The following CCDC50 variants were observed in gnomAD, a reference collection of about 807,000 sequenced individuals.
The protein encoded by CCDC50 is coiled-coil domain containing 50, also known as coiled-coil domain-containing protein 50.
Under a neutral mutation model 70.2 loss-of-function variants are expected in CCDC50, and 54 were observed. The ratio of observed to expected loss-of-function variants is 0.77; its 90% confidence interval spans 0.62 to 0.96. The LOEUF (loss-of-function observed/expected upper bound fraction) is 0.96. CCDC50 is among the 50% of genes least tolerant of loss of function. The pLI is 0.00. For synonymous variants in CCDC50, 216 were observed against 198.8 expected, an observed-to-expected ratio of 1.09 and a Z score of -0.73; for missense variants, 558 against 578.7, an observed-to-expected ratio of 0.96 and a Z score of 0.37.
chr3:191,358,863 C>A (rs1017549632), intron 3 of CCDC50, among the ~76,000 whole-genome samples: 2 of 152,074 alleles, frequency 1.3e-5, no homozygotes, highest in Admixed American at 6.6e-5. Flanking sequence ...GGAAGGAACC[C>A]CTTAATTTAC....
intron 10 of CCDC50, among the ~76,000 whole-genome samples, chr3:191,388,235 A>G (rs528148727): frequency 5.8e-4 from 88 of 152,260 alleles, no homozygotes; most frequent in African/African-American, 1.9e-3. Context: ...ATACAAATGC[A>G]TATATATAAA....
At chr3:191,369,320 G>A (rs1341446295) in intron 4 of CCDC50, among the ~76,000 whole-genome samples, 1 of 150,662 alleles carries the variant, frequency 6.6e-6, no homozygotes, top group Non-Finnish European at 1.5e-5. Context: ...TGAAACTTTT[G>A]TGTTCATAAA....
intron 5 of CCDC50, among the ~76,000 whole-genome samples, chr3:191,373,598 C>G (rs1049486700): frequency 6.6e-6 from 1 of 152,088 alleles, no homozygotes; most frequent in African/African-American, 2.4e-5. Flanking sequence ...AAATTTACAG[C>G]AGTAGTCACT....
At chr3:191,383,232 T>C (rs1713378959) in intron 10 of CCDC50, among the ~76,000 whole-genome samples, 1 of 152,164 alleles carries the variant, frequency 6.6e-6, no homozygotes, top group Admixed American at 6.5e-5. Flanking sequence ...CATTTCTTTC[T>C]GAGTCTCAGT....
In CCDC50 at chr3:191,357,199, G is replaced by A. The variant is rs749743467; in HGVS notation, c.112+49G>A. The A allele has an allele frequency of 1.1e-5, 17 of 1,486,094 alleles. No individual in the cohort carries two copies. In the South Asian group the frequency reaches 1.9e-4, roughly 17 times the overall value. 92.1% of individuals were successfully genotyped at this position (1,486,094 alleles called of 1,614,324 possible). A position where few individuals can be genotyped will look rare whatever the true frequency, so the allele number is the denominator to read the frequency against. ...CTCCTTCAGTTTTCTTTTTTTAGTG[G>A]TAGCTTGAGGCTGGTTTCTTAGGGC... On this transcript the variant is annotated intron_variant, in intron 2 of 11. Coordinates refer to ENST00000392455, the MANE Select transcript of CCDC50 (RefSeq NM_178335.3).
chr3:191,349,974 C>CCG (rs199829394), intron 1 of CCDC50, among the ~76,000 whole-genome samples: 1 of 125,618 alleles, frequency 8.0e-6, no homozygotes, highest in Non-Finnish European at 1.8e-5. Flanking sequence ...ATACCCCCCC[C>CCG]CTCCCTTTTT....
intron 1 of CCDC50, among the ~76,000 whole-genome samples, chr3:191,354,675 G>A (rs1712216621): frequency 6.6e-6 from 1 of 152,036 alleles, no homozygotes; most frequent in Admixed American, 6.6e-5. Context: ...TTTCTGTGAT[G>A]TTTATATATA....
At chr3:191,360,403 A>C (rs1209258750) in intron 3 of CCDC50, among the ~76,000 whole-genome samples, 10 of 152,160 alleles carry the variant, frequency 6.6e-5, no homozygotes, top group African/African-American at 1.2e-4. Flanking sequence ...CTTCCCACTT[A>C]TTATCACATC....
intron 3 of CCDC50, among the ~76,000 whole-genome samples, chr3:191,358,861 C>T (rs1236214288): frequency 1.3e-5 from 2 of 152,124 alleles, no homozygotes; most frequent in Non-Finnish European, 2.9e-5. Context: ...ATGGAAGGAA[C>T]CCCTTAATTT....
chr3:191,366,735 C>T (rs1712704025), intron 4 of CCDC50, among the ~76,000 whole-genome samples: 1 of 151,552 alleles, frequency 6.6e-6, no homozygotes. Context: ...GTTATATATG[C>T]TGCATGCTTT....
At chr3:191,335,038 G>A (rs1019776305) in intron 1 of CCDC50, among the ~76,000 whole-genome samples, 30 of 152,146 alleles carry the variant, frequency 2.0e-4, no homozygotes, top group Admixed American at 1.4e-3. Flanking sequence ...TTTAAAGGTA[G>A]AAACTCTAAA....
intron 1 of CCDC50, among the ~76,000 whole-genome samples, chr3:191,356,033 T>C (rs1712268271): frequency 6.6e-6 from 1 of 152,204 alleles, no homozygotes; most frequent in Non-Finnish European, 1.5e-5. Context: ...AATCCAAAGC[T>C]TCGGAAAGAA....
Position 191,393,120 on chromosome 3 carries a change from C to T in CCDC50, c.*1360C>T, listed in dbSNP as rs1469743817. The T allele has an allele frequency of 2.0e-5, 3 of 152,174 alleles. No individual in the cohort carries two copies. Among genetic ancestry groups the T allele is most frequent in the Non-Finnish European group, 4.4e-5 (3 of 68,028 alleles). 9.4% of individuals were successfully genotyped at this position (152,174 alleles called of 1,614,324 possible). On this transcript the variant is annotated 3_prime_UTR_variant, in exon 12 of 12. Coordinates refer to ENST00000392455, the MANE Select transcript of CCDC50 (RefSeq NM_178335.3). ...TGTACAAGACCTTTAAGCACCTCTT[C>T]AAGAAATTTAGTCTTTGTGTAGCTG...
chr3:191,370,211 G>GTT (rs1712853287), intron 5 of CCDC50, 175 bp downstream of exon 5: 4 of 570,096 alleles, frequency 7.0e-6, no homozygotes. Flanking sequence ...TTCATGTTTT[G>GTT]TTTTGTTTTG....
chr3:191,330,765 T>G (rs980321), intron 1 of CCDC50, among the ~76,000 whole-genome samples: 27,340 of 152,178 alleles, frequency 0.18, 3,018 homozygotes, highest in Non-Finnish European at 0.24. Flanking sequence ...GTCTTGTGTG[T>G]GCTCAGGCCA....
chr3:191,371,511 G>A (rs1024262251), intron 5 of CCDC50, among the ~76,000 whole-genome samples: 1 of 152,164 alleles, frequency 6.6e-6, no homozygotes. Context: ...GAAGGGCCTT[G>A]CAAACCAGTC....
intron 4 of CCDC50, among the ~76,000 whole-genome samples, chr3:191,364,523 G>T (rs1180355674): frequency 1.3e-5 from 2 of 151,734 alleles, no homozygotes; most frequent in African/African-American, 4.8e-5. Flanking sequence ...CAATTTTCCT[G>T]GTTAGTTACC....
chr3:191,389,487 T>C lies in CCDC50; in HGVS notation c.1323-9T>C, dbSNP rs1382735013. 6.2e-7 allele frequency: 1 copy of C among 1,610,852 alleles called. No individual in the cohort carries two copies. Among genetic ancestry groups the C allele is most frequent in the South Asian group, 1.1e-5 (1 of 91,020 alleles). On this transcript the variant is annotated splice_polypyrimidine_tract_variant and intron_variant, in intron 10 of 11. Coordinates refer to ENST00000392455, the MANE Select transcript of CCDC50 (RefSeq NM_178335.3). ...TAGAATGCCCCTTTAAATTCTGGAT[T>C]CCTTTTAGGCCACCACCACCTATCA...
At chr3:191,379,461 A>G (rs1316083086) in intron 6 of CCDC50, among the ~76,000 whole-genome samples, 1 of 152,160 alleles carries the variant, frequency 6.6e-6, no homozygotes, top group East Asian at 1.9e-4. Flanking sequence ...GTCAAGTAAA[A>G]GTTTAAAGCC....
Sources: gnomAD v4.1 joint callset for allele counts (sites outside exome capture counted in the v4.1 genomes callset) on GRCh38, gnomAD v4.1.1 for gene constraint, MANE v1.5 for transcripts, NCBI Gene and HGNC (gene_info 2026-07-23, HGNC 2026-07-21) for gene names.